SGCD: variants seen among roughly 807,000 people sequenced by gnomAD.
SGCD encodes delta-sarcoglycan.
SGCD carries 18 observed loss-of-function variants against 36.6 expected under a neutral mutation model. That is an observed-to-expected ratio of 0.49 (90% CI 0.34 to 0.73). The LOEUF (loss-of-function observed/expected upper bound fraction) is 0.73, where lower values mean the gene tolerates loss of function less well. Ranked by LOEUF, SGCD falls within the 30% of genes least tolerant of loss-of-function variation. SGCD has a pLI of 0.01. For synonymous variants in SGCD, 133 were observed against 130.6 expected, an observed-to-expected ratio of 1.02 and a Z score of -0.12; for missense variants, 387 against 346.7, an observed-to-expected ratio of 1.12 and a Z score of -0.92.
At chr5:155,823,441 T>G in the SGCD span, among the ~76,000 whole-genome samples, 1 of 152,092 alleles carries the variant, frequency 6.6e-6, no homozygotes, top group Admixed American at 6.6e-5. Flanking sequence ...CTCTACTGAT[T>G]CAAATGCTCA....
the SGCD span, among the ~76,000 whole-genome samples, chr5:155,850,850 A>T: frequency 6.6e-6 from 1 of 152,208 alleles, no homozygotes; most frequent in African/African-American, 2.4e-5. Flanking sequence ...CCTTCAGGGA[A>T]GTCTCAATCT....
At chr5:156,616,435 A>G (rs969193231) in intron 6 of SGCD, among the ~76,000 whole-genome samples, 1 of 152,196 alleles carries the variant, frequency 6.6e-6, no homozygotes, top group African/African-American at 2.4e-5. Flanking sequence ...GGTGCTAGGA[A>G]AAAAATGCAA....
At chr5:155,885,634 G>A (rs1229606900) in intron 1 of SGCD, among the ~76,000 whole-genome samples, 1 of 152,206 alleles carries the variant, frequency 6.6e-6, no homozygotes. Flanking sequence ...AGGAGAACTT[G>A]AATATGTGTT....
chr5:156,366,827 A>T, intron 3 of SGCD, among the ~76,000 whole-genome samples: 1 of 152,236 alleles, frequency 6.6e-6, no homozygotes. Context: ...TCTTGCAAAC[A>T]AAGTCATGCC....
the SGCD span, among the ~76,000 whole-genome samples, chr5:155,768,501 C>T: frequency 1.3e-5 from 2 of 152,040 alleles, no homozygotes; most frequent in Non-Finnish European, 2.9e-5. Context: ...TTGTCATGCT[C>T]TGGTGGAAGA....
At chr5:156,624,779 C>T (rs995232654) in intron 6 of SGCD, among the ~76,000 whole-genome samples, 4 of 152,050 alleles carry the variant, frequency 2.6e-5, no homozygotes, top group South Asian at 2.1e-4. Context: ...ACCCTCTTTT[C>T]GTCTGTGATT....
intron 3 of SGCD, among the ~76,000 whole-genome samples, chr5:156,363,261 T>A (rs1456938326): frequency 6.6e-6 from 1 of 152,222 alleles, no homozygotes. Flanking sequence ...TATCTACATT[T>A]CTAGCCTTCC....
chr5:156,406,423 CCCTCT>C (rs996301084), intron 3 of SGCD, among the ~76,000 whole-genome samples: 1 of 151,824 alleles, frequency 6.6e-6, no homozygotes, highest in Non-Finnish European at 1.5e-5. Flanking sequence ...TCTCCTGTGC[CCCTCT>C]CCTCTCCTCT....
chr5:156,694,370 G>A (rs1371786133), intron 7 of SGCD, among the ~76,000 whole-genome samples: 1 of 152,140 alleles, frequency 6.6e-6, no homozygotes. Context: ...AACTTCTTGG[G>A]CATTGACATT....
chr5:156,056,645 T>TAAAA (rs561328077), intron 1 of SGCD, among the ~76,000 whole-genome samples: 793 of 68,206 alleles, frequency 0.012, 37 homozygotes, highest in African/African-American at 0.052. Flanking sequence ...AAATTATCCT[T>TAAAA]AAAAAAAAAA....
chr5:155,899,717 C>G (rs986854406), intron 1 of SGCD, among the ~76,000 whole-genome samples: 1 of 152,088 alleles, frequency 6.6e-6, no homozygotes, highest in Non-Finnish European at 1.5e-5. Context: ...TTATGGAGGG[C>G]AATGAGGTTG....
At chr5:156,090,165 C>G (rs1401114466) in intron 1 of SGCD, among the ~76,000 whole-genome samples, 1 of 152,164 alleles carries the variant, frequency 6.6e-6, no homozygotes, top group African/African-American at 2.4e-5. Context: ...AGAAACTGCT[C>G]CTAACAGGGC....
At chr5:156,499,185 C>T (rs986106085) in intron 3 of SGCD, among the ~76,000 whole-genome samples, 2 of 152,114 alleles carry the variant, frequency 1.3e-5, no homozygotes, top group Non-Finnish European at 2.9e-5. Flanking sequence ...CTAATAGTGC[C>T]TACCCTTTTT....
At chr5:156,098,783 T>G (rs964214692) in intron 1 of SGCD, among the ~76,000 whole-genome samples, 1 of 152,212 alleles carries the variant, frequency 6.6e-6, no homozygotes, top group East Asian at 1.9e-4. Flanking sequence ...TGTGGCTTAA[T>G]AATTTAATAA....
At chr5:156,592,973 C>T (rs1236850233) in intron 5 of SGCD, among the ~76,000 whole-genome samples, 4 of 152,150 alleles carry the variant, frequency 2.6e-5, no homozygotes, top group Non-Finnish European at 4.4e-5. Flanking sequence ...AGTAGAATGG[C>T]GACATCCACA....
At chr5:156,065,414 T>A (rs1167577855) in intron 1 of SGCD, among the ~76,000 whole-genome samples, 2 of 125,660 alleles carry the variant, frequency 1.6e-5, no homozygotes, top group Non-Finnish European at 3.3e-5. Flanking sequence ...TATATTCTGT[T>A]GATTTGGGGT....
At chr5:156,087,640 CAAA>C (rs146938753) in intron 1 of SGCD, among the ~76,000 whole-genome samples, 7 of 79,836 alleles carry the variant, frequency 8.8e-5, no homozygotes, top group South Asian at 4.4e-4. Flanking sequence ...AACTCCATCT[CAAA>C]AAAAAAAAAA....
chr5:156,401,324 A>C (rs956391970), intron 3 of SGCD, among the ~76,000 whole-genome samples: 1 of 152,330 alleles, frequency 6.6e-6, no homozygotes, highest in Non-Finnish European at 1.5e-5. Flanking sequence ...CAATTATTGG[A>C]TAGTAAAAGG....
chr5:156,123,982 AT>A (rs1400287197), exon 3 of SGCD: 1 of 152,144 alleles, frequency 6.6e-6, no homozygotes, highest in Non-Finnish European at 1.5e-5. Flanking sequence ...TTGCCCTGAA[AT>A]TTATGTCCAG....
Sources: gnomAD v4.1 joint callset for allele counts (sites outside exome capture counted in the v4.1 genomes callset) on GRCh38, gnomAD v4.1.1 for gene constraint, MANE v1.5 for transcripts, NCBI Gene and HGNC (gene_info 2026-07-23, HGNC 2026-07-21) for gene names.